CPEB3: variants seen among roughly 807,000 people sequenced by gnomAD.
The protein encoded by CPEB3 is cytoplasmic polyadenylation element-binding protein 3.
In CPEB3, 20 loss-of-function variants were observed where a neutral mutation model predicts 67.2. The observed-to-expected ratio is 0.30, with a 90% confidence interval of 0.21 to 0.43. CPEB3 has a LOEUF of 0.43. CPEB3 is among the 20% of genes least tolerant of loss of function. CPEB3 has a pLI of 1.00. For missense variants in CPEB3, 746 were observed against 968.6 expected, an observed-to-expected ratio of 0.77 and a Z score of 3.05; for synonymous variants, 376 against 393.1, an observed-to-expected ratio of 0.96 and a Z score of 0.51.
chr10:92,050,911 A>G lies in CPEB3; in HGVS notation c.*1301T>C, dbSNP rs1482089619. 4 of 152,700 alleles carry G rather than the reference A, an allele frequency of 2.6e-5. No individual in the cohort carries two copies. The highest frequency in any genetic ancestry group is 9.6e-5 in the African/African-American group (4 of 41,484). 9.5% of individuals were successfully genotyped at this position (152,700 alleles called of 1,614,324 possible). A position where few individuals can be genotyped will look rare whatever the true frequency, so the allele number is the denominator to read the frequency against. On this transcript the variant is annotated 3_prime_UTR_variant, in exon 10 of 10. Coordinates refer to ENST00000265997, the MANE Select transcript of CPEB3 (RefSeq NM_014912.5). ...ACTAAGAGATTGTAACTAAGAGCTC[A>G]TGTGTTAGTTTATAATATATCAGTT...
At position 92,057,313 on chromosome 10, in the gene CPEB3, G is replaced by C. The variant is rs77131618; in HGVS notation, c.1870-4874C>G. 1.3e-4 allele frequency among the ~76,000 whole-genome samples: 20 copies of C among 152,354 alleles called. No individual in the cohort carries two copies. The East Asian group carries it at 3.5e-3, about 26-fold the overall frequency. On this transcript the variant is annotated intron_variant, in intron 9 of 9. Coordinates refer to ENST00000265997, the MANE Select transcript of CPEB3 (RefSeq NM_014912.5). ...GCCCTAGGGCCTTAACGGCCTGGCAGTACTTCTCATGGCTTGGGGTGGCGG... is the reference window on the plus strand; with the variant it reads ...GCCCTAGGGCCTTAACGGCCTGGCACTACTTCTCATGGCTTGGGGTGGCGG...
chr10:92,061,443 A>T (rs1842349213), intron 9 of CPEB3, among the ~76,000 whole-genome samples: 1 of 136,928 alleles, frequency 7.3e-6, no homozygotes, highest in Non-Finnish European at 1.6e-5. Context: ...AAAAAAAAAA[A>T]CATATGAATA....
chr10:92,234,686 T>C (rs943846872), intron 2 of CPEB3, among the ~76,000 whole-genome samples: 1 of 152,134 alleles, frequency 6.6e-6, no homozygotes, highest in Non-Finnish European at 1.5e-5. Flanking sequence ...CCCAGCACTT[T>C]GGGAGGGCGA....
intron 2 of CPEB3, among the ~76,000 whole-genome samples, chr10:92,200,343 G>A (rs1387940395): frequency 1.3e-5 from 2 of 151,900 alleles, no homozygotes; most frequent in Admixed American, 6.6e-5. Context: ...TCGGGAGTTC[G>A]AGACCAGCCT....
chr10:92,253,020 T>A (rs1852365139), intron 1 of CPEB3, among the ~76,000 whole-genome samples: 1 of 152,060 alleles, frequency 6.6e-6, no homozygotes, highest in Non-Finnish European at 1.5e-5. Context: ...AACTTAAAGT[T>A]ATAATAAAAC....
chr10:92,119,299 G>A, intron 6 of CPEB3: 1 of 1,472,652 alleles, frequency 6.8e-7, no homozygotes, highest in South Asian at 1.1e-5. Context: ...GATCCCCTTG[G>A]AGCAGTAGAG....
At chr10:92,116,963 T>G (rs1459279412) in intron 6 of CPEB3, among the ~76,000 whole-genome samples, 1 of 152,224 alleles carries the variant, frequency 6.6e-6, no homozygotes. Context: ...GGAAGGAACT[T>G]AATTAGGATA....
chr10:92,215,700 C>A, intron 2 of CPEB3, among the ~76,000 whole-genome samples: 1 of 148,968 alleles, frequency 6.7e-6, no homozygotes. Context: ...CTCGGTCTCC[C>A]AAAGTGCTGG....
At chr10:92,122,550 C>T (rs1845437382) in intron 6 of CPEB3, among the ~76,000 whole-genome samples, 1 of 152,200 alleles carries the variant, frequency 6.6e-6, no homozygotes, top group South Asian at 2.1e-4. Context: ...CAGGGGACTA[C>T]TATCATGAGC....
rs189177873 is a variant in CPEB3, at chr10:92,225,044, G to A, written c.1005+14302C>T. On this transcript the variant is annotated intron_variant, in intron 2 of 9. Coordinates refer to ENST00000265997, the MANE Select transcript of CPEB3 (RefSeq NM_014912.5). ...GGCTGGAATGCAATGATGCAATCTC[G>A]GCTCACTGCAACCTCCACCTCCTGG... Among the ~76,000 whole-genome samples the A allele has an allele frequency of 9.8e-3, 1,465 of 149,686 alleles. 18 individuals carry two copies. Among genetic ancestry groups the A allele is most frequent in the South Asian group, 0.055 (260 of 4,768 alleles).
intron 8 of CPEB3, among the ~76,000 whole-genome samples, chr10:92,085,701 A>T (rs1198628931): frequency 6.6e-6 from 1 of 151,978 alleles, no homozygotes. Flanking sequence ...CTCCGCCTCC[A>T]GGGTTCAAGC....
intron 1 of CPEB3, among the ~76,000 whole-genome samples, chr10:92,250,440 C>G (rs1852245437): frequency 6.6e-6 from 1 of 152,000 alleles, no homozygotes; most frequent in South Asian, 2.1e-4. Flanking sequence ...TTGCAATAAG[C>G]TAAGGTCAAT....
chr10:92,202,630 A>G (rs1285582453), intron 2 of CPEB3, among the ~76,000 whole-genome samples: 3 of 151,842 alleles, frequency 2.0e-5, no homozygotes, highest in Non-Finnish European at 4.4e-5. Flanking sequence ...AAAAAATTAC[A>G]TATGATATTT....
intron 6 of CPEB3, among the ~76,000 whole-genome samples, chr10:92,127,036 A>T (rs1845635186): frequency 6.6e-6 from 1 of 152,214 alleles, no homozygotes; most frequent in Non-Finnish European, 1.5e-5. Flanking sequence ...AACAAAATAT[A>T]AAAAAATTCC....
At chr10:92,289,706 C>T (rs1842714569) in intron 1 of CPEB3, among the ~76,000 whole-genome samples, 2 of 58,126 alleles carry the variant, frequency 3.4e-5, no homozygotes, top group Non-Finnish European at 5.6e-5. Context: ...CATGGCGAGA[C>T]CGCGTCTCTA....
At chr10:92,261,318 T>G (rs1047307451) in intron 1 of CPEB3, among the ~76,000 whole-genome samples, 8 of 152,168 alleles carry the variant, frequency 5.3e-5, no homozygotes, top group African/African-American at 1.7e-4. Flanking sequence ...GACTGTTCAG[T>G]GTGCCAGAAG....
intron 1 of CPEB3, among the ~76,000 whole-genome samples, chr10:92,245,875 A>C (rs551588918): frequency 3.3e-5 from 5 of 152,068 alleles, no homozygotes; most frequent in African/African-American, 4.8e-5. Flanking sequence ...CGTCTCTACT[A>C]AAACTATAAA....
In CPEB3 at chr10:92,222,756, T is replaced by C. The variant is rs1490763369; in HGVS notation, c.1005+16590A>G. On this transcript the variant is annotated intron_variant, in intron 2 of 9. Coordinates refer to ENST00000265997, the MANE Select transcript of CPEB3 (RefSeq NM_014912.5). ...ATGGAGACATAAAATGCAGTTCTGA[T>C]GGCTCCTGTACCCTTTTACCCACCT... 3.9e-5 allele frequency among the ~76,000 whole-genome samples: 6 copies of C among 152,296 alleles called. No individual in the cohort carries two copies. In the East Asian group the frequency reaches 1.2e-3, roughly 29 times the overall value.
At chr10:92,186,814 T>C (rs1265004401) in intron 3 of CPEB3, among the ~76,000 whole-genome samples, 3 of 152,100 alleles carry the variant, frequency 2.0e-5, no homozygotes, top group African/African-American at 4.8e-5. Flanking sequence ...TACAAATCAC[T>C]CAGTTTCTAC....
Sources: allele counts gnomAD v4.1 joint callset (sites outside exome capture counted in the v4.1 genomes callset), GRCh38; gene constraint gnomAD v4.1.1; transcripts MANE v1.5; gene names NCBI Gene and HGNC (gene_info 2026-07-23, HGNC 2026-07-21).